Variants in C1orf141 observed in about 807,000 individuals in gnomAD.
C1orf141 encodes the protein uncharacterized protein C1orf141.
Under a neutral mutation model 23.2 loss-of-function variants are expected in C1orf141, and 19 were observed. The observed-to-expected ratio is 0.82, with a 90% confidence interval of 0.57 to 1.20. The LOEUF (loss-of-function observed/expected upper bound fraction) is 1.20, where lower values mean the gene tolerates loss of function less well. C1orf141 is among the 50% of genes most tolerant of loss of function. The pLI is 0.00. For synonymous variants in C1orf141, 153 were observed against 154.6 expected (o/e 0.99, Z 0.08); for missense variants, 469 against 455.1 (o/e 1.03, Z -0.28).
chr1:67,095,393 T>G lies in C1orf141; in HGVS notation c.445A>C (p.Asn149His). 1 of 1,553,576 alleles carries G rather than the reference T, an allele frequency of 6.4e-7. No homozygotes were observed. ...CTGACCGATTTGTTTTCTTTTATAT[T>G]AAAATCGTTCATCTGTGGAGATTTT... ...RKKSPQMNDFNIKENKSVRNY... is the reference protein window; with the variant it reads ...RKKSPQMNDFHIKENKSVRNY... Residue 149 changes from asparagine (N) to histidine (H), a missense_variant, in exon 7 of 8, where the codon AAT becomes CAT. Asn to His is a moderately conservative substitution (Grantham distance 68, BLOSUM62 1). This residue lies in a region of C1orf141 where 370 missense variants were observed against 348.1 expected (regional missense o/e 1.06). Coordinates refer to ENST00000684719, the MANE Select transcript of C1orf141 (RefSeq NM_001276351.2).
At chr1:67,119,684 A>G (rs80247662) in intron 4 of C1orf141, among the ~76,000 whole-genome samples, 3,380 of 152,336 alleles carry the variant, frequency 0.022, 124 homozygotes, top group African/African-American at 0.076. Flanking sequence ...AGATGGGATT[A>G]TACCAGCAGA....
rs867717007 is a variant in C1orf141 at position 67,125,783 on chromosome 1, C to T, written c.202G>A (p.Asp68Asn). Residue 68 changes from aspartate (D) to asparagine (N), a missense_variant, in exon 4 of 8, where the codon GAC (aspartate) becomes AAC (asparagine). Around this residue, in one of 3 missense-constraint regions of C1orf141, gnomAD observed 95 missense variants for 90.3 expected, o/e 1.05. Coordinates refer to ENST00000684719, the MANE Select transcript of C1orf141 (RefSeq NM_001276351.2). Reference protein sequence around the residue: ...ASKAISKIKEDKSCSITKSKM... With the variant: ...ASKAISKIKENKSCSITKSKM... ...GATTTTGTAATGCTGCATGACTTGT[C>T]TTCTTTGATCTTTGATATTGCCTTA... 8.1e-6 allele frequency: 13 copies of T among 1,613,116 alleles called. No homozygotes were observed. The highest frequency in any genetic ancestry group is 8.0e-5 in the African/African-American group (6 of 74,894).
At chr1:67,130,692 A>C (rs1362880909) in intron 2 of C1orf141, among the ~76,000 whole-genome samples, 3 of 152,200 alleles carry the variant, frequency 2.0e-5, no homozygotes, top group African/African-American at 7.2e-5. Context: ...GCAGATCATG[A>C]ATTTTTTTGA....
chr1:67,113,455 T>C (rs182253123), intron 5 of C1orf141, among the ~76,000 whole-genome samples: 62 of 152,232 alleles, frequency 4.1e-4, no homozygotes, highest in Admixed American at 3.5e-3. Context: ...AACCTCTGCC[T>C]CCTGGGTTCA....
At chr1:67,141,553 A>G (rs1004961638) in intron 1 of C1orf141, among the ~76,000 whole-genome samples, 2 of 152,054 alleles carry the variant, frequency 1.3e-5, no homozygotes, top group African/African-American at 4.8e-5. Context: ...AGGCCAGGAG[A>G]TCAAGACCAG....
chr1:67,120,456 G>A (rs899588401), intron 4 of C1orf141, among the ~76,000 whole-genome samples: 1 of 152,098 alleles, frequency 6.6e-6, no homozygotes, highest in African/African-American at 2.4e-5. Context: ...GGGGGGACAG[G>A]GGTGGAATTC....
intron 1 of C1orf141, among the ~76,000 whole-genome samples, 161 bp from the exon 2 acceptor site, chr1:67,131,388 C>T (rs1646513507): frequency 6.6e-6 from 1 of 152,122 alleles, no homozygotes; most frequent in Non-Finnish European, 1.5e-5. Flanking sequence ...GCACTCCAGC[C>T]TAGGTGACAG....
chr1:67,129,862 T>C (rs1646486154), intron 2 of C1orf141, among the ~76,000 whole-genome samples: 2 of 152,240 alleles, frequency 1.3e-5, no homozygotes, highest in Admixed American at 1.3e-4. Context: ...TAACATTTCC[T>C]GGTTTTATAA....
At chr1:67,096,373 G>T in intron 5 of C1orf141, 52 bp from the exon 6 acceptor site, 1 of 865,958 alleles carries the variant, frequency 1.2e-6, no homozygotes. Context: ...CTGACATTTA[G>T]GAAAATATCT....
upstream of C1orf141, among the ~76,000 whole-genome samples, chr1:67,138,543 T>C (rs1646605023): frequency 6.6e-6 from 1 of 152,200 alleles, no homozygotes; most frequent in Non-Finnish European, 1.5e-5. Flanking sequence ...GTGTGTTTTT[T>C]TTCTCCCTTT....
intron 1 of C1orf141, among the ~76,000 whole-genome samples, chr1:67,132,121 C>T (rs551464124): frequency 5.3e-5 from 8 of 152,080 alleles, no homozygotes; most frequent in East Asian, 1.9e-4. Context: ...TTCCTTGTCT[C>T]GGTGACAGTC....
intron 4 of C1orf141, among the ~76,000 whole-genome samples, chr1:67,117,408 G>C (rs2102471546): frequency 6.6e-6 from 1 of 152,244 alleles, no homozygotes; most frequent in East Asian, 1.9e-4. Context: ...GGGTGACAGA[G>C]AGAGATTCTG....
At chr1:67,137,863 G>A (rs1000743537), upstream of C1orf141, among the ~76,000 whole-genome samples, 4 of 152,166 alleles carry the variant, frequency 2.6e-5, no homozygotes, top group African/African-American at 9.7e-5. Context: ...TCCCCAAATG[G>A]TGAAAAGCCT....
At chr1:67,141,565 G>A (rs1015022026) in intron 1 of C1orf141, among the ~76,000 whole-genome samples, 4 of 152,036 alleles carry the variant, frequency 2.6e-5, no homozygotes, top group East Asian at 3.9e-4. Flanking sequence ...CAAGACCAGC[G>A]TAGGCAACAC....
chr1:67,093,196 G>A lies in C1orf141; in HGVS notation c.1012C>T (p.His338Tyr). The A allele has an allele frequency of 6.2e-7, 1 of 1,612,672 alleles. No individual in the cohort carries two copies. The change falls in exon 8 of 8, where the codon CAT becomes TAT. Residue 338 changes from histidine (H) to tyrosine (Y), a missense_variant. His to Tyr is a moderately conservative substitution (Grantham distance 83, BLOSUM62 2). Coordinates refer to ENST00000684719, the MANE Select transcript of C1orf141 (RefSeq NM_001276351.2). ...FVGYLDKAVI[H>Y]EMSAQTGKFE... ...TTTCCAGTTTGGGCACTCATTTCATGAATAACAGCTTTATCAAGGTAACCC... is the reference window on the plus strand; with the variant it reads ...TTTCCAGTTTGGGCACTCATTTCATAAATAACAGCTTTATCAAGGTAACCC...
chr1:67,104,663 A>G (rs1182286152), intron 5 of C1orf141, among the ~76,000 whole-genome samples: 1 of 152,166 alleles, frequency 6.6e-6, no homozygotes, highest in East Asian at 1.9e-4. Flanking sequence ...CATGCAATAT[A>G]ATATCAATTA....
At chr1:67,106,410 G>T (rs1645927794) in intron 5 of C1orf141, among the ~76,000 whole-genome samples, 2 of 152,170 alleles carry the variant, frequency 1.3e-5, no homozygotes, top group Admixed American at 6.6e-5. Flanking sequence ...CCTTTAAGAG[G>T]CTGAGGCGGG....
intron 5 of C1orf141, among the ~76,000 whole-genome samples, chr1:67,098,229 T>C (rs555903928): frequency 3.3e-5 from 5 of 152,090 alleles, no homozygotes; most frequent in Non-Finnish European, 5.9e-5. Context: ...CTAAAACCTA[T>C]GAAAAATATT....
rs752249858 is a variant in C1orf141, at chr1:67,093,176, A to G, written c.1032T>C (p.Thr344=). 3.7e-6 allele frequency: 6 copies of G among 1,613,784 alleles called. No individual in the cohort carries two copies. The highest frequency in any genetic ancestry group is 5.1e-6 in the Non-Finnish European group (6 of 1,179,854). Residue 344 remains threonine, a synonymous_variant, in exon 8 of 8, where the codon ACT becomes ACC. Coordinates refer to ENST00000684719, the MANE Select transcript of C1orf141 (RefSeq NM_001276351.2). The stretch of plus-strand genomic sequence containing the variant: ...CAGAAAACATTCTTTCAAATTTTCC[A>G]GTTTGGGCACTCATTTCATGAATAA... ...KAVIHEMSAQ[T]GKFERMFSAG... is the part of the protein sequence containing the mutation.
Sources: gnomAD v4.1 joint callset for allele counts (sites outside exome capture counted in the v4.1 genomes callset) on GRCh38, gnomAD v4.1.1 for gene constraint, gnomAD v4.1.1 regional missense constraint, MANE v1.5 for transcripts, NCBI Gene and HGNC (gene_info 2026-07-23, HGNC 2026-07-21) for gene names.